PIK3C2G: variants seen among roughly 807,000 people sequenced by gnomAD.
PIK3C2G encodes phosphatidylinositol-4-phosphate 3-kinase catalytic subunit type 2 gamma, also known as phosphatidylinositol 3-kinase C2 domain-containing subunit gamma.
A neutral mutation model predicts 181.1 loss-of-function variants in PIK3C2G; 168 were observed. That is an observed-to-expected ratio of 0.93 (90% CI 0.82 to 1.05). The LOEUF (loss-of-function observed/expected upper bound fraction) is 1.05, where lower values mean the gene tolerates loss of function less well. Among genes scored for constraint, PIK3C2G ranks in the 50% least tolerant of loss-of-function variants. The pLI is 0.00. For synonymous variants in PIK3C2G, 573 were observed against 592.2 expected (o/e 0.97, Z 0.47); for missense variants, 1,869 against 1,732.8 (o/e 1.08, Z -1.40).
At chr12:18,519,944 C>T (rs1167280022) in intron 24 of PIK3C2G, among the ~76,000 whole-genome samples, 2 of 148,462 alleles carry the variant, frequency 1.3e-5, no homozygotes, top group Non-Finnish European at 3.0e-5. Context: ...CCACTATTAT[C>T]CTATGACCCT....
chr12:18,276,540 C>T (rs7960524), intron 1 of PIK3C2G, among the ~76,000 whole-genome samples: 1,941 of 152,176 alleles, frequency 0.013, 49 homozygotes, highest in African/African-American at 0.044. Flanking sequence ...ACCTCAAATA[C>T]GTTCTTCATG....
chr12:18,602,847 C>T (rs1435257914), intron 30 of PIK3C2G, among the ~76,000 whole-genome samples: 4 of 152,066 alleles, frequency 2.6e-5, no homozygotes, highest in African/African-American at 9.7e-5. Flanking sequence ...CAAGGAACAC[C>T]CCATGGGACA....
chr12:18,646,418 C>T (rs1201655219), intron 32 of PIK3C2G, among the ~76,000 whole-genome samples: 2 of 152,162 alleles, frequency 1.3e-5, no homozygotes, highest in African/African-American at 2.4e-5. Flanking sequence ...ATTCGCATAT[C>T]ATATTGTATC....
intron 30 of PIK3C2G, 50 bp downstream of exon 30, chr12:18,594,619 G>T: frequency 1.0e-6 from 1 of 958,176 alleles, no homozygotes; most frequent in Non-Finnish European, 1.5e-6. Flanking sequence ...AAAATAATTG[G>T]ACAAAAAGAT....
At chr12:18,306,228 T>C (rs1468118375) in intron 5 of PIK3C2G, among the ~76,000 whole-genome samples, 2 of 152,002 alleles carry the variant, frequency 1.3e-5, no homozygotes, top group African/African-American at 4.8e-5. Flanking sequence ...GGCATTTGAA[T>C]AGAAAGTTTC....
At chr12:18,611,972 T>C (rs922250860) in intron 31 of PIK3C2G, among the ~76,000 whole-genome samples, 7 of 152,116 alleles carry the variant, frequency 4.6e-5, no homozygotes, top group Admixed American at 3.9e-4. Flanking sequence ...TCAGATCCTG[T>C]CATTCCTCTC....
At chr12:18,445,411 T>A (rs1173871166) in intron 18 of PIK3C2G, among the ~76,000 whole-genome samples, 2 of 141,962 alleles carry the variant, frequency 1.4e-5, no homozygotes, top group African/African-American at 5.4e-5. Context: ...CCTATCAGAT[T>A]GGCAAAAATT....
At chr12:18,304,404 A>C (rs1299582939) in intron 5 of PIK3C2G, among the ~76,000 whole-genome samples, 1 of 152,036 alleles carries the variant, frequency 6.6e-6, no homozygotes, top group Non-Finnish European at 1.5e-5. Context: ...CAACATGTGC[A>C]TGCCACCATG....
chr12:18,685,808 C>T, the PIK3C2G span: 9 of 342,264 alleles, frequency 2.6e-5, no homozygotes, highest in Admixed American at 9.0e-5. Flanking sequence ...TCCCTTCCAT[C>T]CTCCTCCTGT....
At chr12:18,523,454 G>C (rs557897177) in intron 24 of PIK3C2G, among the ~76,000 whole-genome samples, 2 of 152,264 alleles carry the variant, frequency 1.3e-5, no homozygotes, top group African/African-American at 2.4e-5. Flanking sequence ...ACATTGGTAG[G>C]ATCACTGCTC....
intron 24 of PIK3C2G, among the ~76,000 whole-genome samples, chr12:18,526,161 A>C (rs1225875765): frequency 6.6e-6 from 1 of 152,224 alleles, no homozygotes; most frequent in Non-Finnish European, 1.5e-5. Flanking sequence ...CTCCCTTAAC[A>C]GATTAAAGGA....
At chr12:18,513,860 T>C (rs1329204980) in intron 24 of PIK3C2G, among the ~76,000 whole-genome samples, 1 of 151,826 alleles carries the variant, frequency 6.6e-6, no homozygotes, top group Non-Finnish European at 1.5e-5. Flanking sequence ...ATTTCTGCTC[T>C]GGTCTTTGTT....
intron 18 of PIK3C2G, among the ~76,000 whole-genome samples, chr12:18,443,290 G>C (rs1946846628): frequency 6.6e-6 from 1 of 151,846 alleles, no homozygotes; most frequent in South Asian, 2.1e-4. Flanking sequence ...GGTGCTGTCT[G>C]TGTGTGTGTG....
chr12:18,439,555 C>T (rs888676323), intron 18 of PIK3C2G, among the ~76,000 whole-genome samples: 1 of 151,712 alleles, frequency 6.6e-6, no homozygotes, highest in Non-Finnish European at 1.5e-5. Context: ...ATTTGACTTG[C>T]TTTCCCACCA....
At chr12:18,426,362 C>A (rs1302331768) in intron 18 of PIK3C2G, among the ~76,000 whole-genome samples, 1 of 151,866 alleles carries the variant, frequency 6.6e-6, no homozygotes, top group Non-Finnish European at 1.5e-5. Context: ...AGAATAAAAT[C>A]CTTCTAATGT....
At chr12:18,321,776 T>G (rs527955879) in intron 7 of PIK3C2G, among the ~76,000 whole-genome samples, 1 of 152,258 alleles carries the variant, frequency 6.6e-6, no homozygotes, top group African/African-American at 2.4e-5. Context: ...AGGAATGAGA[T>G]CATGTCTCTT....
At chr12:18,276,202 T>C (rs1424818861) in intron 1 of PIK3C2G, among the ~76,000 whole-genome samples, 1 of 152,146 alleles carries the variant, frequency 6.6e-6, no homozygotes, top group African/African-American at 2.4e-5. Flanking sequence ...CCCCAGCAAG[T>C]GTCATATTTC....
chr12:18,693,103 T>C, the PIK3C2G span: 12 of 1,526,920 alleles, frequency 7.9e-6, 1 homozygote, highest in Non-Finnish European at 9.1e-6. Context: ...CCAATGTCAG[T>C]AGGAATCTTG....
chr12:18,256,190 CA>C (rs1948144606), intron 1 of PIK3C2G, among the ~76,000 whole-genome samples: 1 of 151,952 alleles, frequency 6.6e-6, no homozygotes, highest in African/African-American at 2.4e-5. Flanking sequence ...GTATATGCTG[CA>C]AAACCAGTAG....
Sources: allele counts gnomAD v4.1 joint callset (sites outside exome capture counted in the v4.1 genomes callset), GRCh38; gene constraint gnomAD v4.1.1; transcripts MANE v1.5; gene names NCBI Gene and HGNC (gene_info 2026-07-23, HGNC 2026-07-21).